LRP3: variants seen among roughly 807,000 people sequenced by gnomAD.
The protein encoded by LRP3 is low-density lipoprotein receptor-related protein 3.
A neutral mutation model predicts 58.5 loss-of-function variants in LRP3; 49 were observed. The observed-to-expected ratio is 0.84, with a 90% CI of 0.67 to 1.06. The LOEUF (loss-of-function observed/expected upper bound fraction) is 1.06. Ranked by LOEUF, LRP3 falls within the 50% of genes least tolerant of loss-of-function variation. The probability of loss-of-function intolerance (pLI) is 0.00; values close to 1 mark genes in which losing one functional copy is unlikely to be tolerated. For missense variants in LRP3, 1,019 were observed against 1,134.2 expected (o/e 0.90, Z 1.46); for synonymous variants, 485 against 492.2 (o/e 0.99, Z 0.20).
In LRP3 at chr19:33,194,846, G is replaced by A; in HGVS notation, c.61G>A (p.Val21Ile). 2 of 1,096,944 alleles carry A rather than the reference G, an allele frequency of 1.8e-6. No individual in the cohort carries two copies. Among genetic ancestry groups the A allele is most frequent in the African/African-American group, 1.7e-5 (1 of 59,486 alleles). 68.0% of individuals were successfully genotyped at this position (1,096,944 alleles called of 1,614,324 possible). The stretch of plus-strand genomic sequence containing the variant: ...GCCGGGCGCCCGGGCGCAGCTGGCC[G>A]TCGTCTGTCTGGGTGAGTGGGCCGC... ...GAPGARAQLA[V>I]VCLVNIFLTG... The change falls in exon 1 of 7, where the codon GTC becomes ATC. Residue 21 changes from valine (V) to isoleucine (I), a missense_variant. Val to Ile is a conservative substitution (Grantham distance 29). Transcript: ENST00000253193.
chr19:33,207,438 C>A lies in LRP3; in HGVS notation c.2176C>A (p.Pro726Thr). Residue 726 changes from proline to threonine, a missense_variant, in exon 7 of 7, where the codon CCG becomes ACG. This residue lies in a region of LRP3 where 427 missense variants were observed against 408.6 expected (regional missense o/e 1.04). Coordinates refer to ENST00000253193, the MANE Select transcript of LRP3 (RefSeq NM_002333.4). ...APREPCSAQDPHPQVSTASST... is the reference protein window; with the variant it reads ...APREPCSAQDTHPQVSTASST... ...TCGGGAGCCCTGCTCAGCCCAGGAC[C>A]CGCACCCCCAGGTCTCCACTGCCAG... The A allele has an allele frequency of 6.3e-7, 1 of 1,596,648 alleles. No homozygotes were observed. Among genetic ancestry groups the A allele is most frequent in the Non-Finnish European group, 8.5e-7 (1 of 1,176,044 alleles).
In LRP3 at chr19:33,207,781, C is replaced by T. The variant is rs1318746391; in HGVS notation, c.*206C>T. 3.6e-5 allele frequency: 21 copies of T among 581,684 alleles called. No individual in the cohort carries two copies. Among genetic ancestry groups the T allele is most frequent in the South Asian group, 1.4e-4 (7 of 48,856 alleles). The allele number at this position is 581,684 out of a possible 1,614,324, so 36.0% of individuals were successfully genotyped here. On this transcript the variant is annotated 3_prime_UTR_variant, in exon 7 of 7. Coordinates refer to ENST00000253193, the MANE Select transcript of LRP3 (RefSeq NM_002333.4). The stretch of plus-strand genomic sequence containing the variant: ...GGGGAGAAGAGTGGAGTGGTGAGCC[C>T]GTCTGCAGGGTCCCATTGTACACAA...
Position 33,207,074 on chromosome 19 carries a change from C to T in LRP3, c.1812C>T (p.Leu604=), listed in dbSNP as rs985428558. The change falls in exon 7 of 7, where the codon CTC becomes CTT. Residue 604 remains leucine, a synonymous_variant. Transcript: ENST00000253193. The part of the protein sequence containing the change: ...ASRRGPSRRR[L]GRLWNRLFHR... ...GCCGGGGGCCCTCCCGCCGCCGCCT[C>T]GGCCGCCTCTGGAACCGGCTCTTTC... 3.7e-5 allele frequency: 55 copies of T among 1,503,090 alleles called. No individual in the cohort carries two copies. Among genetic ancestry groups the T allele is most frequent in the African/African-American group, 7.1e-5 (5 of 70,442 alleles). The allele number at this position is 1,503,090 out of a possible 1,614,324, so 93.1% of individuals were successfully genotyped here.
chr19:33,203,087 G>A (rs1430736119), intron 3 of LRP3, 101 bp downstream of exon 3: 4 of 1,392,426 alleles, frequency 2.9e-6, no homozygotes, highest in Non-Finnish European at 3.9e-6. Context: ...GCACACGCCT[G>A]AGGGTGTACA....
rs766725686 is a variant in LRP3 at position 33,208,513 on chromosome 19, C to T, written c.*938C>T. On this transcript the variant is annotated 3_prime_UTR_variant, in exon 7 of 7. Coordinates refer to ENST00000253193, the MANE Select transcript of LRP3 (RefSeq NM_002333.4). The surrounding 1 kb of genome is among the most constrained non-coding windows in gnomAD (Gnocchi z 4.7). ...GGACTCTGGGTGCCATGGTAGGGAG[C>T]GCCTGTGTCAAGCAGCAAAGCCCCC... 1.6e-5 allele frequency: 5 copies of T among 314,192 alleles called. No homozygotes were observed. Among genetic ancestry groups the T allele is most frequent in the Middle Eastern group, 1.1e-3 (1 of 904 alleles). 19.5% of individuals were successfully genotyped at this position (314,192 alleles called of 1,614,324 possible). A position where few individuals can be genotyped will look rare whatever the true frequency, so the allele number is the denominator to read the frequency against.
In LRP3 at chr19:33,208,442, G is replaced by A. The variant is rs1268016338; in HGVS notation, c.*867G>A. ...TGGCATCGAGGGGCCTGGGGTAGGG[G>A]CGGACTGAGCTGCTACCCCATCCTC... On this transcript the variant is annotated 3_prime_UTR_variant, in exon 7 of 7. Coordinates refer to ENST00000253193, the MANE Select transcript of LRP3 (RefSeq NM_002333.4). This position sits in a 1 kb window ranked among gnomAD's most constrained non-coding sequence, Gnocchi z 4.7. The A allele has an allele frequency of 4.2e-6, 1 of 237,064 alleles. No individual in the cohort carries two copies. The highest frequency in any genetic ancestry group is 5.2e-5 in the South Asian group (1 of 19,338). The allele number at this position is 237,064 out of a possible 1,614,324, so 14.7% of individuals were successfully genotyped here.
Position 33,194,799 on chromosome 19 carries a change from C to G in LRP3, c.14C>G (p.Ala5Gly). ...GCCGGGCCCGGCATGGAGAAGCGCG[C>G]GGCCGCGGGGCTGGAGGGCGCGCCG... MEKR[A>G]AAGLEGAPGA... Residue 5 changes from alanine to glycine, a missense_variant, in exon 1 of 7, where the codon GCG becomes GGG. Coordinates refer to ENST00000253193, the MANE Select transcript of LRP3 (RefSeq NM_002333.4). 9.6e-7 allele frequency: 1 copy of G among 1,041,286 alleles called. No individual in the cohort carries two copies. Among genetic ancestry groups the G allele is most frequent in the Non-Finnish European group, 1.2e-6 (1 of 867,622 alleles). The allele number at this position is 1,041,286 out of a possible 1,614,324, so 64.5% of individuals were successfully genotyped here. A position where few individuals can be genotyped will look rare whatever the true frequency, so the allele number is the denominator to read the frequency against.
rs1974380019 is a variant in LRP3, at chr19:33,204,677, C to T, written c.300C>T (p.Ser100=). The part of the protein sequence containing the change: ...NFDVEESHQC[S]LDWLLLGPAA... ...ACGTGGAGGAGTCCCACCAGTGCTCCCTGGACTGGCTCCTGCTGGGCCCAG... is the reference window on the plus strand; with the variant it reads ...ACGTGGAGGAGTCCCACCAGTGCTCTCTGGACTGGCTCCTGCTGGGCCCAG... The change falls in exon 4 of 7, where the codon TCC becomes TCT. Residue 100 remains serine, a synonymous_variant. Transcript: ENST00000253193. 1 of 1,608,650 alleles carries T rather than the reference C, an allele frequency of 6.2e-7. No homozygotes were observed. The highest frequency in any genetic ancestry group is 1.3e-5 in the African/African-American group (1 of 74,912).
In LRP3 at chr19:33,205,506, G is replaced by A; in HGVS notation, c.736G>A (p.Glu246Lys). 6.4e-7 allele frequency: 1 copy of A among 1,559,696 alleles called. No homozygotes were observed. Among genetic ancestry groups the A allele is most frequent in the South Asian group, 1.2e-5 (1 of 84,322 alleles). Reference sequence around the variant, plus strand: ...GCAGGACTGCGGCGACGGCTCGGATGAGGCGGGCTGCCCCGACCTGGCGTG... The same window carrying A: ...GCAGGACTGCGGCGACGGCTCGGATAAGGCGGGCTGCCCCGACCTGGCGTG... ...GLQDCGDGSD[E>K]AGCPDLACGR... Residue 246 changes from glutamate (E) to lysine (K), a missense_variant, in exon 5 of 7, where the codon GAG becomes AAG. Physicochemically the swap from Glu to Lys is moderately conservative, Grantham distance 56 (BLOSUM62 1). Around this residue, in one of 2 missense-constraint regions of LRP3, gnomAD observed 592 missense variants for 725.5 expected, o/e 0.82. Transcript: ENST00000253193.
intron 2 of LRP3, among the ~76,000 whole-genome samples, chr19:33,201,704 T>C (rs1408788634): frequency 6.6e-6 from 1 of 152,072 alleles, no homozygotes; most frequent in Non-Finnish European, 1.5e-5. Context: ...CCTGCCTTCA[T>C]CTCAGGCTGT....
rs1304775644 is a variant in LRP3, at chr19:33,207,185, G to A, written c.1923G>A (p.Gln641=). The change falls in exon 7 of 7, where the codon CAG becomes CAA. Residue 641 remains glutamine (Q), a synonymous_variant. Coordinates refer to ENST00000253193, the MANE Select transcript of LRP3 (RefSeq NM_002333.4). ...SQTVLGDGFL[Q]PAPGAAPDPP... is the part of the protein sequence containing the mutation. ...CCGTGCTGGGCGATGGCTTCCTCCA[G>A]CCTGCTCCAGGGGCTGCCCCCGACC... The A allele has an allele frequency of 1.3e-6, 2 of 1,550,904 alleles. No homozygotes were observed. Among genetic ancestry groups the A allele is most frequent in the East Asian group, 4.7e-5 (2 of 42,476 alleles).
chr19:33,197,174 A>G (rs547691084), intron 2 of LRP3, among the ~76,000 whole-genome samples: 1 of 152,354 alleles, frequency 6.6e-6, no homozygotes, highest in East Asian at 1.9e-4. Flanking sequence ...GGGGTGACAC[A>G]GAGAGGCCCA....
chr19:33,203,326 G>GTGAA (rs57250450), intron 3 of LRP3, among the ~76,000 whole-genome samples: 22 of 105,046 alleles, frequency 2.1e-4, no homozygotes, highest in Admixed American at 8.0e-4. Context: ...GTGTGCATAT[G>GTGAA]TGTGTGTGTG....
chr19:33,207,754 G>T lies in LRP3; in HGVS notation c.*179G>T, dbSNP rs577296428. The T allele has an allele frequency of 5.7e-5, 20 of 352,878 alleles. No homozygotes were observed. The highest frequency in any genetic ancestry group is 3.3e-4 in the Admixed American group (7 of 20,968). 21.9% of individuals were successfully genotyped at this position (352,878 alleles called of 1,614,324 possible). A position where few individuals can be genotyped will look rare whatever the true frequency, so the allele number is the denominator to read the frequency against. On this transcript the variant is annotated 3_prime_UTR_variant, in exon 7 of 7. Transcript: ENST00000253193. ...GCGGGAGCTGTGGGACTGAACGGCG[G>T]GGGGGAGAAGAGTGGAGTGGTGAGC...
Position 33,196,784 on chromosome 19 carries a change from A to G in LRP3, c.121+7A>G, listed in dbSNP as rs771070661. ...AGTGCGGTTCCTGCCTTAGGTAAGT[A>G]AGCACTTTCTCTCCTTCCTCCACTC... On this transcript the variant is annotated splice_region_variant and intron_variant, in intron 2 of 6. Coordinates refer to ENST00000253193, the MANE Select transcript of LRP3 (RefSeq NM_002333.4). 3 of 1,613,872 alleles carry G rather than the reference A, an allele frequency of 1.9e-6. No individual in the cohort carries two copies. In the East Asian group the frequency reaches 6.7e-5, roughly 36 times the overall value.
chr19:33,196,631 C>G, intron 1 of LRP3, 99 bp from the exon 2 acceptor site: 1 of 1,096,410 alleles, frequency 9.1e-7, no homozygotes, highest in East Asian at 2.4e-5. Flanking sequence ...AGGGGACCAG[C>G]GGGCCAGCCT....
At chr19:33,195,615 G>A (rs553447945) in intron 1 of LRP3, among the ~76,000 whole-genome samples, 2 of 152,312 alleles carry the variant, frequency 1.3e-5, no homozygotes, top group South Asian at 4.1e-4. Flanking sequence ...ACCAGTGAGG[G>A]CTCTGTAACC....
At position 33,194,672 on chromosome 19, in the gene LRP3, C is replaced by A; in HGVS notation, c.-114C>A. On this transcript the variant is annotated 5_prime_UTR_variant, in exon 1 of 7. Transcript: ENST00000253193. ...GCAGCCACGCCAGCCGGAGCCCGAG[C>A]CCTAGCCCGAGCCCGAGCCCGAGCC... 1 of 228,304 alleles carries A rather than the reference C, an allele frequency of 4.4e-6. No individual in the cohort carries two copies. The highest frequency in any genetic ancestry group is 7.2e-6 in the Non-Finnish European group (1 of 139,222). The allele number at this position is 228,304 out of a possible 1,614,324, so 14.1% of individuals were successfully genotyped here. A position where few individuals can be genotyped will look rare whatever the true frequency, so the allele number is the denominator to read the frequency against.
rs575144373 is a variant in LRP3, at chr19:33,206,385, G to C, written c.1592+23G>C. ...CAGGTGGGCGCTGTGCCCGCAGCCA[G>C]GGGACCGGGCTTCTTCATCACCCAG... On this transcript the variant is annotated intron_variant, in intron 5 of 6. Coordinates refer to ENST00000253193, the MANE Select transcript of LRP3 (RefSeq NM_002333.4). The C allele has an allele frequency of 5.5e-5, 88 of 1,602,610 alleles. 4 individuals carry two copies. In the South Asian group the frequency reaches 8.9e-4, roughly 16 times the overall value.
Sources: allele counts gnomAD v4.1 joint callset (sites outside exome capture counted in the v4.1 genomes callset), GRCh38; gene constraint gnomAD v4.1.1; regional missense constraint gnomAD v4.1.1; non-coding constraint Gnocchi (gnomAD v3.1); transcripts MANE v1.5; gene names NCBI Gene and HGNC (gene_info 2026-07-23, HGNC 2026-07-21).